CYYR1: variants seen among roughly 807,000 people sequenced by gnomAD.
CYYR1 encodes the protein cysteine and tyrosine-rich protein 1.
A neutral mutation model predicts 15.2 loss-of-function variants in CYYR1; 14 were observed. The observed-to-expected ratio is 0.92, with a 90% CI of 0.61 to 1.44. The LOEUF is 1.44. Ranked by LOEUF, CYYR1 falls within the 40% of genes most tolerant of loss-of-function variation. The probability of loss-of-function intolerance (pLI) is 0.00; values close to 1 mark genes in which losing one functional copy is unlikely to be tolerated. For missense variants in CYYR1, 228 were observed against 209.5 expected, an observed-to-expected ratio of 1.09 and a Z score of -0.54; for synonymous variants, 80 against 77.4, an observed-to-expected ratio of 1.03 and a Z score of -0.18.
intron 2 of CYYR1, among the ~76,000 whole-genome samples, chr21:26,562,046 C>T (rs1028580108): frequency 6.6e-6 from 1 of 152,194 alleles, no homozygotes; most frequent in African/African-American, 2.4e-5. Flanking sequence ...CATCCCTTTC[C>T]ATATTCATCA....
chr21:26,542,199 T>G (rs1037108860), intron 2 of CYYR1, among the ~76,000 whole-genome samples: 5 of 127,104 alleles, frequency 3.9e-5, no homozygotes, highest in Non-Finnish European at 7.7e-5. Context: ...GATATTCTAT[T>G]ATACCATGCA....
chr21:26,469,168 A>G (rs914079237), intron 3 of CYYR1, among the ~76,000 whole-genome samples: 2 of 152,200 alleles, frequency 1.3e-5, no homozygotes, highest in African/African-American at 4.8e-5. Flanking sequence ...GTGAGGGATG[A>G]TAAGGGACTC....
chr21:26,544,986 T>A (rs1978856068), intron 2 of CYYR1, among the ~76,000 whole-genome samples: 1 of 151,932 alleles, frequency 6.6e-6, no homozygotes. Flanking sequence ...TAAATTATGA[T>A]TTGAGTATAA....
intron 3 of CYYR1, among the ~76,000 whole-genome samples, chr21:26,472,416 A>G (rs1169274285): frequency 6.6e-6 from 1 of 152,152 alleles, no homozygotes; most frequent in Non-Finnish European, 1.5e-5. Context: ...AGAATACATT[A>G]TAAAACTACT....
At chr21:26,490,670 GAAAACC>G (rs2065315845) in intron 2 of CYYR1, among the ~76,000 whole-genome samples, 1 of 152,160 alleles carries the variant, frequency 6.6e-6, no homozygotes, top group Non-Finnish European at 1.5e-5. Context: ...TTGAAGGTAA[GAAAACC>G]AAATATGTGA....
In CYYR1 at chr21:26,468,545, G is replaced by C; in HGVS notation, c.424C>G (p.Gln142Glu). The C allele has an allele frequency of 5.0e-6, 8 of 1,612,758 alleles. No homozygotes were observed. The highest frequency in any genetic ancestry group is 6.8e-6 in the Non-Finnish European group (8 of 1,178,924). The change falls in exon 4 of 4, where the codon CAG (glutamine) becomes GAG (glutamate). Residue 142 changes from glutamine (Q) to glutamate (E), a missense_variant. Gln to Glu is a conservative substitution (Grantham distance 29). Coordinates refer to ENST00000652641, the MANE Select transcript of CYYR1 (RefSeq NM_001320768.2). ...PYSPTPQGPA[Q>E]RSPPPPYPGN... ...GGATAAGGAGGGGGTGGAGAACGCT[G>C]TGCTGGACCCTGTGGGGTGGGGGAG...
At chr21:26,522,491 G>A (rs1045951060) in intron 2 of CYYR1, among the ~76,000 whole-genome samples, 3 of 152,144 alleles carry the variant, frequency 2.0e-5, no homozygotes, top group East Asian at 3.9e-4. Flanking sequence ...TAGACAGTTT[G>A]CTTGCAAAAT....
rs539754472 is a variant in CYYR1, at chr21:26,475,546, T to G, written c.334+4726A>C. On this transcript the variant is annotated intron_variant, in intron 3 of 3. Coordinates refer to ENST00000652641, the MANE Select transcript of CYYR1 (RefSeq NM_001320768.2). Reference sequence around the variant, plus strand: ...ATTCATCAGTTTCCCCCTTTATGTTTACCATCAGTGTACTAGCAAAATACA... The same window carrying G: ...ATTCATCAGTTTCCCCCTTTATGTTGACCATCAGTGTACTAGCAAAATACA... 1.2e-4 allele frequency among the ~76,000 whole-genome samples: 19 copies of G among 152,262 alleles called. No homozygotes were observed. The East Asian group carries it at 2.5e-3, about 20-fold the overall frequency.
intron 2 of CYYR1, among the ~76,000 whole-genome samples, chr21:26,544,533 C>T (rs757928588): frequency 6.7e-4 from 102 of 152,080 alleles, no homozygotes; most frequent in Admixed American, 1.5e-3. Context: ...ATAAGAATGC[C>T]GTGTTTATAA....
At chr21:26,547,810 T>G (rs1261714674) in intron 2 of CYYR1, among the ~76,000 whole-genome samples, 1 of 151,976 alleles carries the variant, frequency 6.6e-6, no homozygotes, top group Non-Finnish European at 1.5e-5. Flanking sequence ...TTGGCTCCCA[T>G]TGCCAAGGAA....
chr21:26,474,307 C>A (rs1373533621), intron 3 of CYYR1, among the ~76,000 whole-genome samples: 2 of 151,948 alleles, frequency 1.3e-5, no homozygotes, highest in African/African-American at 4.8e-5. Context: ...CCCACCTCGG[C>A]CTCCCAAAGT....
intron 2 of CYYR1, among the ~76,000 whole-genome samples, chr21:26,509,899 A>T (rs1175598301): frequency 6.6e-6 from 1 of 152,136 alleles, no homozygotes; most frequent in Admixed American, 6.5e-5. Flanking sequence ...CTGGAAGGAG[A>T]GGAGACTTGG....
At chr21:26,569,791 C>T (rs867425855) in intron 1 of CYYR1, among the ~76,000 whole-genome samples, 4 of 152,088 alleles carry the variant, frequency 2.6e-5, no homozygotes, top group Non-Finnish European at 4.4e-5. Context: ...CGTTGCATTC[C>T]GGTGACTACT....
chr21:26,472,456 G>C (rs1242092744), intron 3 of CYYR1, among the ~76,000 whole-genome samples: 1 of 151,900 alleles, frequency 6.6e-6, no homozygotes, highest in Non-Finnish European at 1.5e-5. Flanking sequence ...TCTTGTAAGG[G>C]TATACAAGTA....
At chr21:26,517,047 G>A (rs1419046132) in intron 2 of CYYR1, among the ~76,000 whole-genome samples, 3 of 144,066 alleles carry the variant, frequency 2.1e-5, no homozygotes, top group African/African-American at 5.2e-5. Flanking sequence ...CCCGGGAGGC[G>A]GAGCTTGCAG....
intron 2 of CYYR1, among the ~76,000 whole-genome samples, chr21:26,556,967 T>C (rs1979834753): frequency 1.3e-5 from 2 of 152,166 alleles, no homozygotes; most frequent in Admixed American, 6.5e-5. Context: ...TTTTCACTCA[T>C]GGCATCTTGA....
chr21:26,517,338 C>T (rs2065745468), intron 2 of CYYR1, among the ~76,000 whole-genome samples: 1 of 152,134 alleles, frequency 6.6e-6, no homozygotes, highest in Non-Finnish European at 1.5e-5. Context: ...TACTTCTAAT[C>T]TTTCAAGTAT....
intron 2 of CYYR1, among the ~76,000 whole-genome samples, chr21:26,487,973 C>T (rs201201436): frequency 6.8e-6 from 1 of 146,264 alleles, no homozygotes; most frequent in South Asian, 2.1e-4. Context: ...TTTTATTTTG[C>T]TTTTTTTTTT....
intron 2 of CYYR1, among the ~76,000 whole-genome samples, chr21:26,536,854 T>C (rs923387242): frequency 2.2e-4 from 33 of 152,134 alleles, no homozygotes; most frequent in African/African-American, 7.0e-4. Flanking sequence ...ATTCTCAGCT[T>C]TCTGGATGCT....
Sources: allele counts gnomAD v4.1 joint callset (sites outside exome capture counted in the v4.1 genomes callset), GRCh38; gene constraint gnomAD v4.1.1; transcripts MANE v1.5; gene names NCBI Gene and HGNC (gene_info 2026-07-23, HGNC 2026-07-21).